Variants in BICRAL observed in about 807,000 individuals in gnomAD.
BICRAL encodes BRD4-interacting chromatin-remodeling complex-associated protein-like.
Under a neutral mutation model 91.8 loss-of-function variants are expected in BICRAL, and 8 were observed. The ratio of observed to expected loss-of-function variants is 0.09; its 90% CI spans 0.05 to 0.16. The LOEUF is 0.16. Ranked by LOEUF, BICRAL falls within the 10% of genes least tolerant of loss-of-function variation. The pLI, the probability that BICRAL is intolerant of heterozygous loss-of-function variation, is 1.00. For synonymous variants in BICRAL, 445 were observed against 491.1 expected (o/e 0.91, Z 1.24); for missense variants, 1,038 against 1,310.9 (o/e 0.79, Z 3.21).
At chr6:42,803,260 G>A (rs747211520) in intron 1 of BICRAL, among the ~76,000 whole-genome samples, 1 of 152,182 alleles carries the variant, frequency 6.6e-6, no homozygotes, top group African/African-American at 2.4e-5. Flanking sequence ...ATCTTGGAAG[G>A]ACACACAATC....
At chr6:42,855,728 C>A in intron 8 of BICRAL, 128 bp from the exon 9 acceptor site, 1 of 683,584 alleles carries the variant, frequency 1.5e-6, no homozygotes, top group Non-Finnish European at 2.5e-6. Flanking sequence ...TTCAGCAGGG[C>A]ACATTCTGTA....
chr6:42,792,510 C>G (rs1053929666), intron 1 of BICRAL, among the ~76,000 whole-genome samples: 6 of 151,736 alleles, frequency 4.0e-5, no homozygotes, highest in African/African-American at 1.5e-4. Context: ...TGGCCTCAAG[C>G]AGTCCTCCTG....
At chr6:42,794,507 T>C (rs1763365780) in intron 1 of BICRAL, among the ~76,000 whole-genome samples, 1 of 151,334 alleles carries the variant, frequency 6.6e-6, no homozygotes, top group Non-Finnish European at 1.5e-5. Context: ...TCCTCCTGCT[T>C]CCCCTGCCAA....
Position 42,851,649 on chromosome 6 carries a change from G to A in BICRAL, c.1840-443G>A, listed in dbSNP as rs137919201. Among the ~76,000 whole-genome samples the A allele has an allele frequency of 2.6e-4, 39 of 152,290 alleles. No homozygotes were observed. The East Asian group carries it at 5.6e-3, about 22-fold the overall frequency. On this transcript the variant is annotated intron_variant, in intron 6 of 12. Transcript: ENST00000314073. ...TATCATCTACACAGCAAAACAATGA[G>A]TGGTGACAAAAAATTTGGGGTTGGC...
At chr6:42,751,467 T>C (rs1023262926) in intron 1 of BICRAL, among the ~76,000 whole-genome samples, 3 of 152,186 alleles carry the variant, frequency 2.0e-5, no homozygotes, top group Non-Finnish European at 4.4e-5. Flanking sequence ...GGGAATCTCA[T>C]GATTGTAGTT....
intron 1 of BICRAL, among the ~76,000 whole-genome samples, chr6:42,795,488 G>A (rs765739515): frequency 2.0e-5 from 3 of 152,020 alleles, no homozygotes; most frequent in African/African-American, 7.2e-5. Flanking sequence ...ATTTCACATT[G>A]TTTTATTTCT....
chr6:42,762,490 G>A (rs540544505), intron 1 of BICRAL, among the ~76,000 whole-genome samples: 1 of 152,248 alleles, frequency 6.6e-6, no homozygotes, highest in South Asian at 2.1e-4. Flanking sequence ...TTACAGATAA[G>A]GGCATGTAAA....
intron 5 of BICRAL, among the ~76,000 whole-genome samples, chr6:42,826,046 T>C (rs1203708193): frequency 1.3e-5 from 2 of 151,354 alleles, no homozygotes; most frequent in South Asian, 2.1e-4. Context: ...ATCGGGCCAC[T>C]GCACTCCAGC....
intron 1 of BICRAL, among the ~76,000 whole-genome samples, chr6:42,792,456 A>G (rs1763301965): frequency 6.8e-6 from 1 of 148,080 alleles, no homozygotes. Flanking sequence ...TTTTAAATGT[A>G]GAGATGAGTT....
chr6:42,782,757 G>A (rs940382764), intron 1 of BICRAL, among the ~76,000 whole-genome samples: 1 of 151,936 alleles, frequency 6.6e-6, no homozygotes, highest in Non-Finnish European at 1.5e-5. Flanking sequence ...GCCGGGAGCC[G>A]GGAAGGAGGG....
chr6:42,860,903 G>T (rs1233901859), intron 11 of BICRAL, among the ~76,000 whole-genome samples: 1 of 152,046 alleles, frequency 6.6e-6, no homozygotes, highest in Non-Finnish European at 1.5e-5. Context: ...AAGGCGGGTG[G>T]ATCACCTGAG....
intron 6 of BICRAL, among the ~76,000 whole-genome samples, chr6:42,849,851 A>C (rs1765124856): frequency 6.6e-6 from 1 of 151,952 alleles, no homozygotes; most frequent in East Asian, 2.0e-4. Context: ...CAGGAGTTCA[A>C]GACCAGCCTG....
intron 1 of BICRAL, among the ~76,000 whole-genome samples, chr6:42,752,395 C>T (rs1762394334): frequency 1.3e-5 from 2 of 152,180 alleles, no homozygotes; most frequent in Admixed American, 1.3e-4. Context: ...AGACATCGTC[C>T]CTGTCCTCCT....
rs143595072 is a variant in BICRAL, at chr6:42,766,778, C to T, written c.-260-15061C>T. 1.8e-3 allele frequency among the ~76,000 whole-genome samples: 268 copies of T among 152,130 alleles called. 2 individuals carry two copies. The highest frequency in any genetic ancestry group is 0.017 in the East Asian group (87 of 5,178). ...TGATTGTGCCGGGTGCCGTGGCTCA[C>T]ACCTGTAATCCCAGCACTTTGGGAG... On this transcript the variant is annotated intron_variant, in intron 1 of 14. Transcript: ENST00000614467.
At chr6:42,799,296 C>CTTTT (rs573158175) in intron 1 of BICRAL, among the ~76,000 whole-genome samples, 1 of 137,020 alleles carries the variant, frequency 7.3e-6, no homozygotes, top group African/African-American at 2.7e-5. Context: ...ACCACTAAAT[C>CTTTT]TTTTTTTTTT....
intron 1 of BICRAL, among the ~76,000 whole-genome samples, chr6:42,756,103 T>G (rs1332269368): frequency 6.6e-6 from 1 of 152,238 alleles, no homozygotes; most frequent in Non-Finnish European, 1.5e-5. Flanking sequence ...TCTAACTTTC[T>G]TCCCCTAACA....
chr6:42,851,164 G>A (rs1249457575), intron 6 of BICRAL, among the ~76,000 whole-genome samples: 3 of 152,122 alleles, frequency 2.0e-5, no homozygotes, highest in Non-Finnish European at 2.9e-5. Context: ...CAGCCTGGGC[G>A]ACAGAGAGAG....
At chr6:42,760,275 T>C (rs1166571524) in intron 1 of BICRAL, among the ~76,000 whole-genome samples, 1 of 149,348 alleles carries the variant, frequency 6.7e-6, no homozygotes, top group East Asian at 2.0e-4. Context: ...CAAAAAAAAA[T>C]TGGGAGGCCG....
intron 8 of BICRAL, among the ~76,000 whole-genome samples, chr6:42,854,561 A>G (rs964965321): frequency 2.0e-5 from 3 of 152,120 alleles, no homozygotes; most frequent in Admixed American, 6.6e-5. Flanking sequence ...CCTGTCACTC[A>G]GACTGTGCTG....
Sources: gnomAD v4.1 joint callset for allele counts (sites outside exome capture counted in the v4.1 genomes callset) on GRCh38, gnomAD v4.1.1 for gene constraint, MANE v1.5 for transcripts, NCBI Gene and HGNC (gene_info 2026-07-23, HGNC 2026-07-21) for gene names.